The following CNTN5 variants were observed in gnomAD, a reference collection of about 807,000 sequenced individuals.
The protein encoded by CNTN5 is contactin 5, also known as contactin-5.
In CNTN5, 77 loss-of-function variants were observed where a neutral mutation model predicts 129.1. The observed-to-expected ratio is 0.60, with a 90% CI of 0.50 to 0.72. The LOEUF is 0.72. Ranked by LOEUF, CNTN5 falls within the 30% of genes least tolerant of loss-of-function variation. The pLI is 0.00. For missense variants in CNTN5, 1,478 were observed against 1,328.8 expected (o/e 1.11, Z -1.75); for synonymous variants, 509 against 465.6 (o/e 1.09, Z -1.20).
At chr11:100,267,878 A>T (rs1327013554) in intron 17 of CNTN5, among the ~76,000 whole-genome samples, 5 of 152,154 alleles carry the variant, frequency 3.3e-5, no homozygotes, top group Admixed American at 3.3e-4. Flanking sequence ...GGAAGCTGTT[A>T]TTATGATTGA....
At chr11:99,316,060 T>A (rs909277053) in intron 1 of CNTN5, among the ~76,000 whole-genome samples, 2 of 152,128 alleles carry the variant, frequency 1.3e-5, no homozygotes, top group African/African-American at 4.8e-5. Context: ...AAAGGTGGCA[T>A]ACTTTTTGTT....
intron 6 of CNTN5, among the ~76,000 whole-genome samples, chr11:99,909,777 C>G (rs1949607159): frequency 6.7e-6 from 1 of 150,224 alleles, no homozygotes; most frequent in South Asian, 2.1e-4. Context: ...CACATGGACA[C>G]AGGAAGGGGA....
chr11:99,903,273 G>A (rs1453756189), intron 6 of CNTN5, among the ~76,000 whole-genome samples: 1 of 151,678 alleles, frequency 6.6e-6, no homozygotes, highest in Non-Finnish European at 1.5e-5. Context: ...GTAAAGGGCT[G>A]TTTAGATTTT....
Position 100,340,593 on chromosome 11 carries a change from A to G in CNTN5, c.2861A>G (p.Asn954Ser). 2 of 1,613,452 alleles carry G rather than the reference A, an allele frequency of 1.2e-6. No homozygotes were observed. The highest frequency in any genetic ancestry group is 1.1e-5 in the South Asian group (1 of 90,946). ...TATCACTTCACAGTGAGGGCTTACA[A>G]TGGAGCTGGATATGGGCCACCTAGC... ...TLYHFTVRAY[N>S]GAGYGPPSSE... is the part of the protein sequence containing the mutation. Residue 954 changes from asparagine to serine, a missense_variant, in exon 22 of 25, where the codon AAT (asparagine) becomes AGT (serine). Transcript: ENST00000524871.
chr11:100,123,155 C>A (rs1002050881), intron 13 of CNTN5, among the ~76,000 whole-genome samples: 1 of 151,766 alleles, frequency 6.6e-6, no homozygotes, highest in African/African-American at 2.4e-5. Flanking sequence ...ATGTACTCAT[C>A]TTTGTCTCAT....
At chr11:100,347,052 TCCCTCCC>T (rs1565443502) in intron 23 of CNTN5, among the ~76,000 whole-genome samples, 1 of 151,996 alleles carries the variant, frequency 6.6e-6, no homozygotes, top group African/African-American at 2.4e-5. Flanking sequence ...TCCCACCAGG[TCCCTCCC>T]ATAACATGTG....
intron 8 of CNTN5, among the ~76,000 whole-genome samples, chr11:99,983,024 T>G (rs1378451986): frequency 6.6e-6 from 1 of 152,102 alleles, no homozygotes; most frequent in African/African-American, 2.4e-5. Flanking sequence ...AGTTAATAAA[T>G]CCATGATCAG....
At chr11:99,737,721 A>G (rs960613093) in intron 3 of CNTN5, among the ~76,000 whole-genome samples, 1 of 152,150 alleles carries the variant, frequency 6.6e-6, no homozygotes, top group African/African-American at 2.4e-5. Flanking sequence ...TTCACACAAG[A>G]GTTATGAAGA....
chr11:99,752,766 T>G (rs929074401), intron 3 of CNTN5, among the ~76,000 whole-genome samples: 7 of 152,198 alleles, frequency 4.6e-5, no homozygotes, highest in Non-Finnish European at 1.0e-4. Flanking sequence ...TTAGAATTTT[T>G]GAAAAGCATT....
intron 3 of CNTN5, 84 bp from the exon 4 acceptor site, chr11:99,819,460 T>A: frequency 8.3e-7 from 1 of 1,200,324 alleles, no homozygotes; most frequent in Non-Finnish European, 1.2e-6. Context: ...TTTTTAGTAA[T>A]GTCTTCAAAG....
chr11:99,669,081 T>C (rs1468196875), intron 3 of CNTN5, among the ~76,000 whole-genome samples: 3 of 152,192 alleles, frequency 2.0e-5, no homozygotes, highest in African/African-American at 7.2e-5. Flanking sequence ...ATTTATACTC[T>C]TACTTTGTCT....
intron 1 of CNTN5, among the ~76,000 whole-genome samples, chr11:99,173,706 T>C (rs910853417): frequency 2.6e-5 from 4 of 152,222 alleles, no homozygotes; most frequent in African/African-American, 9.6e-5. Context: ...CATTAGGGTA[T>C]GTCATAAGTG....
intron 3 of CNTN5, among the ~76,000 whole-genome samples, chr11:99,769,483 G>A (rs1054789842): frequency 2.0e-5 from 3 of 151,942 alleles, no homozygotes; most frequent in Admixed American, 6.6e-5. Context: ...TCTATAACTT[G>A]ATCTCCCATT....
chr11:99,176,874 G>A (rs1314263703), intron 1 of CNTN5, among the ~76,000 whole-genome samples: 1 of 152,136 alleles, frequency 6.6e-6, no homozygotes, highest in African/African-American at 2.4e-5. Context: ...ATTCTTCAGT[G>A]ACTTCCATTT....
At chr11:100,164,477 T>A (rs1471735028) in intron 13 of CNTN5, among the ~76,000 whole-genome samples, 1 of 151,680 alleles carries the variant, frequency 6.6e-6, no homozygotes, top group Admixed American at 6.6e-5. Flanking sequence ...AATGGAAAAA[T>A]TCATATTTTA....
rs543377674 is a variant in CNTN5, at chr11:99,060,409, C to T, written c.-210+39139C>T. 9.9e-5 allele frequency among the ~76,000 whole-genome samples: 15 copies of T among 152,028 alleles called. 1 individual carries two copies. The South Asian group carries it at 1.5e-3, about 15-fold the overall frequency. ...TTTATTTTAAAAATTTAGATTTATA[C>T]GGGTTGTAGAAAGTCCACAAATTGC... On this transcript the variant is annotated intron_variant, in intron 1 of 24. Coordinates refer to ENST00000524871, the MANE Select transcript of CNTN5 (RefSeq NM_014361.4).
At chr11:100,265,241 T>G (rs1346098058) in intron 17 of CNTN5, among the ~76,000 whole-genome samples, 1 of 152,152 alleles carries the variant, frequency 6.6e-6, no homozygotes, top group Admixed American at 6.5e-5. Context: ...ACTAGATGTG[T>G]CCTCTTCTAA....
intron 9 of CNTN5, among the ~76,000 whole-genome samples, chr11:100,037,528 G>A (rs990972663): frequency 4.6e-5 from 7 of 151,820 alleles, no homozygotes; most frequent in African/African-American, 1.5e-4. Context: ...GATTGGAATA[G>A]TTTCAGAAGG....
chr11:99,844,782 G>A, intron 4 of CNTN5, 70 bp from the exon 5 acceptor site: 1 of 1,464,610 alleles, frequency 6.8e-7, no homozygotes. Flanking sequence ...AAGTAAGATG[G>A]AAAAGAAAAA....
Sources: gnomAD v4.1 joint callset for allele counts (sites outside exome capture counted in the v4.1 genomes callset) on GRCh38, gnomAD v4.1.1 for gene constraint, MANE v1.5 for transcripts, NCBI Gene and HGNC (gene_info 2026-07-23, HGNC 2026-07-21) for gene names.